The following DPYSL2 variants were observed in gnomAD, a reference collection of about 807,000 sequenced individuals.
DPYSL2 encodes dihydropyrimidinase like 2.
Under a neutral mutation model 69.9 loss-of-function variants are expected in DPYSL2, and 13 were observed. That is an observed-to-expected ratio of 0.19 (90% CI 0.12 to 0.30). The LOEUF is 0.30. DPYSL2 is among the 10% of genes least tolerant of loss of function. The pLI, the probability that DPYSL2 is intolerant of heterozygous loss-of-function variation, is 1.00. For synonymous variants in DPYSL2, 326 were observed against 359.1 expected, an observed-to-expected ratio of 0.91 and a Z score of 1.04; for missense variants, 587 against 918.9, an observed-to-expected ratio of 0.64 and a Z score of 4.67.
chr8:26,594,844 A>C (rs1801821582), intron 3 of DPYSL2, among the ~76,000 whole-genome samples: 1 of 152,134 alleles, frequency 6.6e-6, no homozygotes, highest in South Asian at 2.1e-4. Context: ...TATGTACATG[A>C]GTTTGCGTTT....
intron 3 of DPYSL2, among the ~76,000 whole-genome samples, chr8:26,607,607 T>C (rs568290289): frequency 4.7e-4 from 71 of 151,340 alleles, no homozygotes; most frequent in Non-Finnish European, 9.1e-4. Context: ...CTGGGAAGCG[T>C]AGGGAGACCC....
At chr8:26,636,366 T>C (rs1283106292) in intron 8 of DPYSL2, among the ~76,000 whole-genome samples, 1 of 152,162 alleles carries the variant, frequency 6.6e-6, no homozygotes, top group African/African-American at 2.4e-5. Flanking sequence ...AGTGTGGGGA[T>C]GGTTGGCATA....
At chr8:26,645,555 G>C (rs1803144172) in intron 10 of DPYSL2, among the ~76,000 whole-genome samples, 1 of 152,012 alleles carries the variant, frequency 6.6e-6, no homozygotes, top group Non-Finnish European at 1.5e-5. Flanking sequence ...GCTAAACTGG[G>C]ACTCATTTAT....
Position 26,643,920 on chromosome 8 carries a change from G to A in DPYSL2, c.1284-30G>A, listed in dbSNP as rs1285120209. ...AGGCGCACAGCATCTTGACGAAGCT[G>A]CAGCACCACGTTATGCATTTTCTTT... On this transcript the variant is annotated intron_variant, in intron 9 of 13. Transcript: ENST00000521913. This position sits in a 1 kb window ranked among gnomAD's most constrained non-coding sequence, Gnocchi z 6.5. 6.2e-7 allele frequency: 1 copy of A among 1,607,470 alleles called. No homozygotes were observed. Among genetic ancestry groups the A allele is most frequent in the Non-Finnish European group, 8.5e-7 (1 of 1,175,868 alleles).
intron 3 of DPYSL2, among the ~76,000 whole-genome samples, chr8:26,615,664 A>G (rs1802329752): frequency 6.6e-6 from 1 of 152,126 alleles, no homozygotes; most frequent in African/African-American, 2.4e-5. Flanking sequence ...GAAAACACAG[A>G]TGGCAATTGG....
At chr8:26,522,984 A>C (rs1343200200) in intron 1 of DPYSL2, among the ~76,000 whole-genome samples, 1 of 152,066 alleles carries the variant, frequency 6.6e-6, no homozygotes, top group Non-Finnish European at 1.5e-5. Context: ...CATGTAACTA[A>C]ATCCTTGGGG....
chr8:26,596,605 G>A (rs536083999), intron 3 of DPYSL2, among the ~76,000 whole-genome samples: 7 of 152,312 alleles, frequency 4.6e-5, no homozygotes, highest in Non-Finnish European at 8.8e-5. Flanking sequence ...ATCATTTATC[G>A]GGAATCTGTG....
rs545193870 is a variant in DPYSL2 at position 26,577,932 on chromosome 8, A to G, written c.355-4037A>G. 5.6e-4 allele frequency: 673 copies of G among 1,192,802 alleles called. 2 individuals carry two copies. Among genetic ancestry groups the G allele is most frequent in the East Asian group, 4.7e-3 (84 of 17,984 alleles). 73.9% of individuals were successfully genotyped at this position (1,192,802 alleles called of 1,614,324 possible). On this transcript the variant is annotated intron_variant, in intron 1 of 13. Coordinates refer to ENST00000521913, the MANE Select transcript of DPYSL2 (RefSeq NM_001197293.3). ...CGCATGCGCCACGGTGGCCGACTTG[A>G]ACCGAGGCTTTTATTGCTGTAGTTT...
chr8:26,548,091 G>A (rs566730489), intron 1 of DPYSL2: 2 of 227,364 alleles, frequency 8.8e-6, no homozygotes, highest in South Asian at 1.5e-4. Context: ...GATTGAGGAT[G>A]GACATTATTT....
chr8:26,600,344 T>TA (rs1801963019), intron 3 of DPYSL2, among the ~76,000 whole-genome samples: 1 of 151,988 alleles, frequency 6.6e-6, no homozygotes, highest in Non-Finnish European at 1.5e-5. Flanking sequence ...TACTGGCAAA[T>TA]ATATTTAACT....
chr8:26,613,524 C>T (rs909892493), intron 3 of DPYSL2, among the ~76,000 whole-genome samples: 2 of 152,250 alleles, frequency 1.3e-5, no homozygotes, highest in African/African-American at 4.8e-5. Flanking sequence ...CCGCCTGCTT[C>T]AGCTGCATAC....
Position 26,598,403 on chromosome 8 carries a change from G to A in DPYSL2, c.628+14420G>A, listed in dbSNP as rs1801915191. On this transcript the variant is annotated intron_variant, in intron 3 of 13. Coordinates refer to ENST00000521913, the MANE Select transcript of DPYSL2 (RefSeq NM_001197293.3). The surrounding 1 kb of genome is among the most constrained non-coding windows in gnomAD (Gnocchi z 4.2). ...TCTCCTGAATTTCTTTTCTTGCTAA[G>A]CCTATTCAGCTCTGTTTTTTAGAGA... is the stretch of plus-strand genomic sequence containing the variant. Among the ~76,000 whole-genome samples, 1 of 152,142 alleles carries A rather than the reference G, an allele frequency of 6.6e-6. No homozygotes were observed. Among genetic ancestry groups the A allele is most frequent in the East Asian group, 1.9e-4 (1 of 5,194 alleles).
intron 3 of DPYSL2, among the ~76,000 whole-genome samples, chr8:26,602,253 G>A (rs1366616828): frequency 2.0e-5 from 3 of 151,408 alleles, no homozygotes; most frequent in Non-Finnish European, 4.4e-5. Flanking sequence ...CTGCCTTTGG[G>A]ACAAGTTAGC....
Position 26,514,664 on chromosome 8 carries a change from G to C in DPYSL2, c.339G>C (p.Gln113His). Residue 113 changes from glutamine (Q) to histidine (H), a missense_variant, in exon 1 of 14, where the codon CAG (glutamine) becomes CAC (histidine). Gln to His is a conservative substitution (Grantham distance 24, BLOSUM62 0). Transcript: ENST00000521913. This position sits in a 1 kb window ranked among gnomAD's most constrained non-coding sequence, Gnocchi z 8.4. ...GGGCCTCGGGCAAAGAAGCCCTGCA[G>C]AACATCAACGACCAGGTCGGTGTGG... is the stretch of plus-strand genomic sequence containing the variant. ...IRRASGKEAL[Q>H]NINDQSDRLL... 2 of 1,250,520 alleles carry C rather than the reference G, an allele frequency of 1.6e-6. No homozygotes were observed. Among genetic ancestry groups the C allele is most frequent in the Non-Finnish European group, 1.0e-6 (1 of 981,374 alleles). The allele number at this position is 1,250,520 out of a possible 1,614,324, so 77.5% of individuals were successfully genotyped here.
chr8:26,570,975 C>T (rs910121014), intron 1 of DPYSL2, among the ~76,000 whole-genome samples: 1 of 152,170 alleles, frequency 6.6e-6, no homozygotes, highest in African/African-American at 2.4e-5. Context: ...TGTTAATTTC[C>T]TCCTCACTGA....
intron 1 of DPYSL2, among the ~76,000 whole-genome samples, chr8:26,575,903 G>A (rs995885763): frequency 2.6e-5 from 4 of 152,072 alleles, no homozygotes; most frequent in African/African-American, 7.2e-5. Flanking sequence ...CCTGTCCTCC[G>A]CAAAGCTGGG....
At chr8:26,550,964 T>C (rs548946807) in intron 1 of DPYSL2, among the ~76,000 whole-genome samples, 12 of 152,292 alleles carry the variant, frequency 7.9e-5, no homozygotes, top group Admixed American at 3.9e-4. Context: ...GAGTTTACCC[T>C]TCCTCTGCCT....
rs913353504 is a variant in DPYSL2 at position 26,652,197 on chromosome 8, C to G, written c.1597-60C>G. On this transcript the variant is annotated intron_variant, in intron 11 of 13. Coordinates refer to ENST00000521913, the MANE Select transcript of DPYSL2 (RefSeq NM_001197293.3). The surrounding 1 kb of genome is among the most constrained non-coding windows in gnomAD (Gnocchi z 6.3). Reference sequence around the variant, plus strand: ...GTGGGGTTGGGGCAGTGGGTGCTGCCGGGTGGATTGAGTCCAGCCAGAGTG... The same window carrying G: ...GTGGGGTTGGGGCAGTGGGTGCTGCGGGGTGGATTGAGTCCAGCCAGAGTG... 3 of 1,514,148 alleles carry G rather than the reference C, an allele frequency of 2.0e-6. No homozygotes were observed. The highest frequency in any genetic ancestry group is 2.8e-5 in the African/African-American group (2 of 72,230). 93.8% of individuals were successfully genotyped at this position (1,514,148 alleles called of 1,614,324 possible). A position where few individuals can be genotyped will look rare whatever the true frequency, so the allele number is the denominator to read the frequency against.
In DPYSL2 at chr8:26,653,166, G is replaced by A; in HGVS notation, c.1777-66G>A. ...TCTCACAGGCCCATCCTCCCTCCAG[G>A]AGGGTTTCTAGAGAGGTATCCTCTG... is the stretch of plus-strand genomic sequence containing the variant. On this transcript the variant is annotated intron_variant, in intron 12 of 13. Coordinates refer to ENST00000521913, the MANE Select transcript of DPYSL2 (RefSeq NM_001197293.3). This position sits in a 1 kb window ranked among gnomAD's most constrained non-coding sequence, Gnocchi z 5.7. 1 of 1,557,702 alleles carries A rather than the reference G, an allele frequency of 6.4e-7. No homozygotes were observed. Among genetic ancestry groups the A allele is most frequent in the Non-Finnish European group, 8.7e-7 (1 of 1,146,470 alleles).
Sources: gnomAD v4.1 joint callset for allele counts (sites outside exome capture counted in the v4.1 genomes callset) on GRCh38, gnomAD v4.1.1 for gene constraint, Gnocchi (gnomAD v3.1) non-coding constraint, MANE v1.5 for transcripts, NCBI Gene and HGNC (gene_info 2026-07-23, HGNC 2026-07-21) for gene names.